The following PLXNA4 variants were observed in gnomAD, a reference collection of about 807,000 sequenced individuals.
The protein encoded by PLXNA4 is plexin A4.
Under a neutral mutation model 191.8 loss-of-function variants are expected in PLXNA4, and 44 were observed. That is an observed-to-expected ratio of 0.23 (90% CI 0.18 to 0.29). The LOEUF is 0.29. Ranked by LOEUF, PLXNA4 falls within the 10% of genes least tolerant of loss-of-function variation. The pLI is 1.00. For synonymous variants in PLXNA4, 1,082 were observed against 1,009.5 expected (o/e 1.07, Z -1.36); for missense variants, 1,800 against 2,488.8 (o/e 0.72, Z 5.89).
At chr7:132,415,317 G>A (rs1202000400) in intron 3 of PLXNA4, among the ~76,000 whole-genome samples, 1 of 152,212 alleles carries the variant, frequency 6.6e-6, no homozygotes, top group Admixed American at 6.5e-5. Context: ...TGAGATTGCA[G>A]GTCTGTCTGC....
chr7:132,130,688 T>C, intron 31 of PLXNA4, 114 bp from the exon 32 acceptor site: 3 of 1,502,828 alleles, frequency 2.0e-6, no homozygotes, highest in Non-Finnish European at 2.7e-6. Context: ...CACAGGCATG[T>C]GCAGGGGCAC....
intron 29 of PLXNA4, among the ~76,000 whole-genome samples, chr7:132,144,732 G>A (rs35337921): frequency 0.61 from 92,309 of 152,058 alleles, 33,570 homozygotes; most frequent in East Asian, 0.82. Context: ...GTTCATTGAG[G>A]GCAGGGGCCA....
intron 3 of PLXNA4, among the ~76,000 whole-genome samples, chr7:132,331,882 A>G (rs1175871282): frequency 6.6e-6 from 1 of 152,130 alleles, no homozygotes; most frequent in Non-Finnish European, 1.5e-5. Flanking sequence ...GGCTAGAGAC[A>G]TTAATGCATC....
At chr7:132,440,533 C>A (rs1189900308) in intron 3 of PLXNA4, among the ~76,000 whole-genome samples, 1 of 152,154 alleles carries the variant, frequency 6.6e-6, no homozygotes, top group East Asian at 1.9e-4. Context: ...TCCGTACTCT[C>A]AAGGAACACA....
intron 1 of PLXNA4, among the ~76,000 whole-genome samples, chr7:132,535,791 AC>A (rs11331083): frequency 0.98 from 149,492 of 152,242 alleles, 73,458 homozygotes; most frequent in East Asian, 1. Flanking sequence ...CTTCCCCTGC[AC>A]CAATAGGAGC....
intron 2 of PLXNA4, among the ~76,000 whole-genome samples, chr7:132,621,612 T>C (rs1293118660): frequency 6.6e-6 from 1 of 152,124 alleles, no homozygotes; most frequent in Non-Finnish European, 1.5e-5. Context: ...AGGCCCACCA[T>C]ATACATGGGC....
At chr7:132,533,954 ATTATG>A (rs1301246101) in intron 1 of PLXNA4, among the ~76,000 whole-genome samples, 1 of 151,610 alleles carries the variant, frequency 6.6e-6, no homozygotes, top group African/African-American at 2.4e-5. Context: ...TATTACTATT[ATTATG>A]TTAACAAGTC....
chr7:132,624,445 C>A (rs1221578447), intron 2 of PLXNA4, among the ~76,000 whole-genome samples: 2 of 152,100 alleles, frequency 1.3e-5, no homozygotes, highest in Non-Finnish European at 2.9e-5. Context: ...ATCACAGAGC[C>A]CATGCCAAAT....
intron 2 of PLXNA4, among the ~76,000 whole-genome samples, chr7:132,628,875 G>T (rs1035682703): frequency 6.6e-6 from 1 of 152,038 alleles, no homozygotes; most frequent in Non-Finnish European, 1.5e-5. Context: ...TCTACACTAC[G>T]CCTTGCATTC....
At chr7:132,431,883 G>A (rs556002881) in intron 3 of PLXNA4, among the ~76,000 whole-genome samples, 45 of 152,286 alleles carry the variant, frequency 3.0e-4, no homozygotes, top group South Asian at 6.2e-4. Context: ...TTGGAGACAC[G>A]GTTGCTCACA....
chr7:132,577,648 C>T (rs943169073), upstream of PLXNA4, among the ~76,000 whole-genome samples: 1 of 151,952 alleles, frequency 6.6e-6, no homozygotes, highest in African/African-American at 2.4e-5. Flanking sequence ...ACGGAGCTAC[C>T]CTGGCGGTGG....
chr7:132,153,499 G>C (rs938888793), intron 25 of PLXNA4, among the ~76,000 whole-genome samples: 110 of 152,168 alleles, frequency 7.2e-4, no homozygotes, highest in African/African-American at 2.6e-3. Flanking sequence ...GCAGGGGTGT[G>C]GGTTTCAGGG....
At chr7:132,449,770 A>G (rs984182632) in intron 3 of PLXNA4, among the ~76,000 whole-genome samples, 3 of 152,204 alleles carry the variant, frequency 2.0e-5, no homozygotes, top group Admixed American at 6.5e-5. Context: ...GCCTCAACAG[A>G]GAGGCCCATC....
chr7:132,230,976 G>C (rs185469798), intron 5 of PLXNA4, among the ~76,000 whole-genome samples: 91 of 152,262 alleles, frequency 6.0e-4, no homozygotes, highest in African/African-American at 2.2e-3. Context: ...GTGTTTGCTC[G>C]GGGGATCTCA....
chr7:132,354,711 T>C (rs1020995548), intron 3 of PLXNA4, among the ~76,000 whole-genome samples: 2 of 152,166 alleles, frequency 1.3e-5, no homozygotes, highest in African/African-American at 2.4e-5. Flanking sequence ...AAAAGGAAGA[T>C]GCTCTAGCTC....
chr7:132,601,708 T>C (rs1802824506), intron 2 of PLXNA4, among the ~76,000 whole-genome samples: 1 of 152,198 alleles, frequency 6.6e-6, no homozygotes, highest in African/African-American at 2.4e-5. Flanking sequence ...ACTCCTCTGT[T>C]GTTTAAGGCA....
rs967012089 is a variant in PLXNA4, at chr7:132,404,409, C to T, written c.1371+84883G>A. 1.1e-4 allele frequency among the ~76,000 whole-genome samples: 17 copies of T among 152,330 alleles called. No homozygotes were observed. In the East Asian group the frequency reaches 2.3e-3, roughly 21 times the overall value. ...TGTGAGGCAGAGGAGAAGGCTGGTG[C>T]GCAGCCTCCACCACTGTCACCAACC... On this transcript the variant is annotated intron_variant, in intron 3 of 31. Transcript: ENST00000321063.
intron 4 of PLXNA4, among the ~76,000 whole-genome samples, chr7:132,266,609 A>G (rs571974374): frequency 6.6e-6 from 1 of 152,278 alleles, no homozygotes; most frequent in South Asian, 2.1e-4. Flanking sequence ...CACTTTAGGA[A>G]TTAGGTTTTG....
At position 132,123,748 on chromosome 7, in the gene PLXNA4, C is replaced by G. The variant is rs1408211828; in HGVS notation, c.*6731G>C. The G allele has an allele frequency of 6.6e-6, 1 of 152,166 alleles. No homozygotes were observed. The highest frequency in any genetic ancestry group is 1.5e-5 in the Non-Finnish European group (1 of 68,054). 9.4% of individuals were successfully genotyped at this position (152,166 alleles called of 1,614,324 possible). On this transcript the variant is annotated 3_prime_UTR_variant, in exon 32 of 32. Coordinates refer to ENST00000321063, the MANE Select transcript of PLXNA4 (RefSeq NM_020911.2). ...GTGGGATGGGGCTGGAAGGGGGTGACTGGAACAGAGATAACCTGCCCTACC... is the reference window on the plus strand; with the variant it reads ...GTGGGATGGGGCTGGAAGGGGGTGAGTGGAACAGAGATAACCTGCCCTACC...
Sources: allele counts gnomAD v4.1 joint callset (sites outside exome capture counted in the v4.1 genomes callset), GRCh38; gene constraint gnomAD v4.1.1; transcripts MANE v1.5; gene names NCBI Gene and HGNC (gene_info 2026-07-23, HGNC 2026-07-21).